Variants in RBMS1 observed in about 807,000 individuals in gnomAD.
RBMS1 encodes RNA-binding motif, single-stranded-interacting protein 1.
In RBMS1, 17 loss-of-function variants were observed where a neutral mutation model predicts 62.3. That is an observed-to-expected ratio of 0.27 (90% confidence interval 0.19 to 0.41). The LOEUF (loss-of-function observed/expected upper bound fraction) is 0.41. Ranked by LOEUF, RBMS1 falls within the 10% of genes least tolerant of loss-of-function variation. The pLI is 1.00. For synonymous variants in RBMS1, 172 were observed against 170.0 expected (o/e 1.01, Z -0.09); for missense variants, 334 against 504.5 (o/e 0.66, Z 3.24).
At position 160,324,882 on chromosome 2, in the gene RBMS1, GTATATATA is replaced by G. The variant is rs201492090; in HGVS notation, c.252-6663_252-6656del. 5.4e-3 allele frequency among the ~76,000 whole-genome samples: 542 copies of G among 100,000 alleles called. 2 individuals are homozygous for G. Among genetic ancestry groups the G allele is most frequent in the East Asian group, 0.012 (37 of 2,988 alleles). 65.6% of individuals were successfully genotyped at this position (100,000 alleles called of 152,430 possible). ...CTAAGCGAGATGTGTGTGTGTGTGT[GTATATATA>G]TATATATATATATATATACACACAC... On this transcript the variant is annotated intron_variant, in intron 2 of 13. Coordinates refer to ENST00000348849, the MANE Select transcript of RBMS1 (RefSeq NM_016836.4).
At chr2:160,479,905 G>T (rs1685297727) in intron 1 of RBMS1, among the ~76,000 whole-genome samples, 1 of 152,068 alleles carries the variant, frequency 6.6e-6, no homozygotes, top group Non-Finnish European at 1.5e-5. Flanking sequence ...CGCTTTGAAG[G>T]TTCTATGTAG....
chr2:160,403,473 T>G (rs1357477267), intron 1 of RBMS1, among the ~76,000 whole-genome samples: 1 of 152,232 alleles, frequency 6.6e-6, no homozygotes, highest in Non-Finnish European at 1.5e-5. Flanking sequence ...GCTTTGTATG[T>G]CATCCTCTAA....
chr2:160,430,182 A>T (rs1682830254), intron 1 of RBMS1, among the ~76,000 whole-genome samples: 1 of 152,254 alleles, frequency 6.6e-6, no homozygotes, highest in African/African-American at 2.4e-5. Flanking sequence ...CAAATGGAGC[A>T]GAAGAGCCAC....
chr2:160,312,239 T>C (rs1160002619), intron 4 of RBMS1, among the ~76,000 whole-genome samples: 3 of 152,132 alleles, frequency 2.0e-5, no homozygotes, highest in Non-Finnish European at 4.4e-5. Flanking sequence ...GGTCTGAGCA[T>C]CTTAAACTAA....
chr2:160,382,374 C>T (rs749595629), intron 1 of RBMS1, among the ~76,000 whole-genome samples: 2 of 152,190 alleles, frequency 1.3e-5, no homozygotes, highest in Non-Finnish European at 2.9e-5. Flanking sequence ...TTCCCAACTC[C>T]ATGACAGGTG....
intron 1 of RBMS1, among the ~76,000 whole-genome samples, chr2:160,374,802 C>T (rs780429405): frequency 1.1e-4 from 16 of 151,882 alleles, no homozygotes; most frequent in African/African-American, 2.4e-4. Flanking sequence ...TGGTGGTGGG[C>T]GCCTGTCATC....
intron 1 of RBMS1, among the ~76,000 whole-genome samples, chr2:160,440,974 C>T (rs1559554353): frequency 6.6e-6 from 1 of 152,202 alleles, no homozygotes; most frequent in Non-Finnish European, 1.5e-5. Flanking sequence ...TGTGTAACCA[C>T]CACTGAAAAC....
chr2:160,328,603 G>A (rs901618807), intron 2 of RBMS1, among the ~76,000 whole-genome samples: 1 of 152,028 alleles, frequency 6.6e-6, no homozygotes. Flanking sequence ...AAAAATCACA[G>A]GAGGGAAGCA....
chr2:160,323,713 A>G (rs1690725944), intron 2 of RBMS1, among the ~76,000 whole-genome samples: 1 of 152,126 alleles, frequency 6.6e-6, no homozygotes, highest in Admixed American at 6.5e-5. Flanking sequence ...CCAGATTATA[A>G]TATTCTTTGC....
At chr2:160,328,161 T>A (rs1363345357) in intron 2 of RBMS1, among the ~76,000 whole-genome samples, 2 of 152,182 alleles carry the variant, frequency 1.3e-5, no homozygotes, top group African/African-American at 4.8e-5. Flanking sequence ...TCTGTAAAGT[T>A]GTATGATAAT....
chr2:160,417,374 C>T (rs190972114), intron 1 of RBMS1, among the ~76,000 whole-genome samples: 2 of 152,302 alleles, frequency 1.3e-5, no homozygotes, highest in Admixed American at 1.3e-4. Flanking sequence ...CATTTTGCAA[C>T]TGTATGTGAC....
At chr2:160,391,207 C>T (rs1573987353) in intron 1 of RBMS1, among the ~76,000 whole-genome samples, 1 of 148,820 alleles carries the variant, frequency 6.7e-6, no homozygotes, top group East Asian at 1.9e-4. Flanking sequence ...TCTAGTATGA[C>T]TGGTAGCCTT....
At chr2:160,301,403 A>T (rs550483998) in intron 5 of RBMS1, among the ~76,000 whole-genome samples, 1 of 152,332 alleles carries the variant, frequency 6.6e-6, no homozygotes, top group East Asian at 1.9e-4. Context: ...ATTTTTCTTT[A>T]ATGGATGCAA....
intron 1 of RBMS1, among the ~76,000 whole-genome samples, chr2:160,439,230 C>G (rs1004009056): frequency 1.3e-5 from 2 of 151,996 alleles, no homozygotes; most frequent in East Asian, 2.0e-4. Flanking sequence ...AGGTGGCTGC[C>G]GGACGGAGAC....
chr2:160,311,242 A>ATATATCTATATATCTATATATC (rs1553505473), intron 4 of RBMS1, among the ~76,000 whole-genome samples: 1 of 123,658 alleles, frequency 8.1e-6, no homozygotes, highest in South Asian at 2.7e-4. Context: ...CTATATATAT[A>ATATATCTATATATCTATATATC]TATATATATA....
intron 1 of RBMS1, among the ~76,000 whole-genome samples, chr2:160,409,228 C>T (rs1268322543): frequency 6.6e-6 from 1 of 151,558 alleles, no homozygotes; most frequent in African/African-American, 2.4e-5. Context: ...GAAAGCCTCA[C>T]CTATTATAAA....
intron 1 of RBMS1, among the ~76,000 whole-genome samples, chr2:160,404,422 C>T (rs565635865): frequency 2.6e-4 from 39 of 152,124 alleles, no homozygotes; most frequent in African/African-American, 8.9e-4. Flanking sequence ...GTTCTGCATC[C>T]GCCTACTGTG....
chr2:160,355,553 T>C (rs114138899), intron 2 of RBMS1, among the ~76,000 whole-genome samples: 1 of 152,212 alleles, frequency 6.6e-6, no homozygotes, highest in African/African-American at 2.4e-5. Flanking sequence ...CTGGCCCACA[T>C]TCTATCAAGG....
chr2:160,348,751 A>C (rs1326242940), intron 2 of RBMS1, among the ~76,000 whole-genome samples: 1 of 152,172 alleles, frequency 6.6e-6, no homozygotes, highest in Non-Finnish European at 1.5e-5. Context: ...GCAAGTGATA[A>C]ATGTAATGTG....
Sources: gnomAD v4.1 joint callset for allele counts (sites outside exome capture counted in the v4.1 genomes callset) on GRCh38, gnomAD v4.1.1 for gene constraint, MANE v1.5 for transcripts, NCBI Gene and HGNC (gene_info 2026-07-23, HGNC 2026-07-21) for gene names.